The following NLRP13 variants were observed in gnomAD, a reference collection of about 807,000 sequenced individuals.
NLRP13 encodes NACHT, LRR and PYD domains-containing protein 13.
A neutral mutation model predicts 94.4 loss-of-function variants in NLRP13; 82 were observed. That is an observed-to-expected ratio of 0.87 (90% CI 0.73 to 1.04). The LOEUF is 1.04. NLRP13 is among the 50% of genes least tolerant of loss of function. The probability of loss-of-function intolerance (pLI) is 0.00; values close to 1 mark genes in which losing one functional copy is unlikely to be tolerated. For synonymous variants in NLRP13, 553 were observed against 464.7 expected (o/e 1.19, Z -2.45); for missense variants, 1,426 against 1,230.8 (o/e 1.16, Z -2.37).
At position 55,931,057 on chromosome 19, in the gene NLRP13, A is replaced by T. The variant is rs1004426491; in HGVS notation, c.319+936T>A. ...AATGCCACAGAAGATGTGGCATGAA[A>T]CTTTACCCTGAGTAAAACATGAACT... On this transcript the variant is annotated intron_variant, in intron 1 of 10. Transcript: ENST00000342929. Among the ~76,000 whole-genome samples the T allele has an allele frequency of 4.9e-5, 7 of 144,132 alleles. No individual in the cohort carries two copies. In the South Asian group the frequency reaches 6.6e-4, roughly 14 times the overall value. 94.6% of individuals were successfully genotyped at this position (144,132 alleles called of 152,430 possible). A position where few individuals can be genotyped will look rare whatever the true frequency, so the allele number is the denominator to read the frequency against.
intron 4 of NLRP13, among the ~76,000 whole-genome samples, chr19:55,920,706 G>T (rs577771890): frequency 3.3e-5 from 5 of 151,974 alleles, no homozygotes; most frequent in South Asian, 4.2e-4. Context: ...ATTTCTCAAA[G>T]AACTAAAAAT....
intron 1 of NLRP13, among the ~76,000 whole-genome samples, chr19:55,929,313 G>A (rs1987047412): frequency 6.6e-6 from 1 of 152,170 alleles, no homozygotes; most frequent in Non-Finnish European, 1.5e-5. Flanking sequence ...CTACTATAAA[G>A]ACTCTTGCAC....
chr19:55,927,195 C>G (rs1421790924), intron 1 of NLRP13, among the ~76,000 whole-genome samples: 3 of 151,788 alleles, frequency 2.0e-5, no homozygotes, highest in Non-Finnish European at 2.9e-5. Context: ...GTGGGGAAAC[C>G]CCATCTCTAA....
chr19:55,912,654 CCT>C lies in NLRP13; in HGVS notation c.1161_1162del (p.Asp389ArgfsTer11). 4 of 1,614,178 alleles carry C rather than the reference CCT, an allele frequency of 2.5e-6. No homozygotes were observed. The highest frequency in any genetic ancestry group is 3.4e-6 in the Non-Finnish European group (4 of 1,180,036). Reference sequence around the variant, plus strand: ...CATGAAATATACCCGTAGGTCGTCCCCTGTGAACCCTGTAATTTGTACAAAGC... The same window carrying C: ...CATGAAATATACCCGTAGGTCGTCCCGTGAACCCTGTAATTTGTACAAAGC... On this transcript the variant is annotated frameshift_variant, in exon 5 of 11. Coordinates refer to ENST00000342929, the MANE Select transcript of NLRP13 (RefSeq NM_176810.2). LOFTEE classifies it high-confidence loss of function.
In NLRP13 at chr19:55,925,020, T is replaced by G; in HGVS notation, c.335A>C (p.Gln112Pro). ...TTCCTGGGTTGGATCTTGCAGCTCT[T>G]GGGTCTGCACATTCTCTGAAACAAA... is the stretch of plus-strand genomic sequence containing the variant. ...RAEMKENVQT[Q>P]ELQDPTQEDL... The change falls in exon 2 of 11, where the codon CAA becomes CCA. Residue 112 changes from glutamine (Q) to proline (P), a missense_variant. Physicochemically the swap from Gln to Pro is moderately conservative, Grantham distance 76. Coordinates refer to ENST00000342929, the MANE Select transcript of NLRP13 (RefSeq NM_176810.2). 6.2e-7 allele frequency: 1 copy of G among 1,614,050 alleles called. No homozygotes were observed. Among genetic ancestry groups the G allele is most frequent in the Non-Finnish European group, 8.5e-7 (1 of 1,179,954 alleles).
chr19:55,924,539 C>G, intron 3 of NLRP13, 51 bp downstream of exon 3: 6 of 1,307,094 alleles, frequency 4.6e-6, no homozygotes, highest in South Asian at 1.2e-5. Flanking sequence ...ACCAATGAAA[C>G]GAGTGTTCCA....
chr19:55,919,908 A>G (rs1374961405), intron 4 of NLRP13, among the ~76,000 whole-genome samples: 1 of 152,188 alleles, frequency 6.6e-6, no homozygotes, highest in East Asian at 1.9e-4. Flanking sequence ...ATCTGTATGC[A>G]TCACCTTACC....
chr19:55,896,119 C>T lies in NLRP13; in HGVS notation c.2958G>A (p.Gly986=), dbSNP rs199475878. The T allele has an allele frequency of 4.9e-4, 787 of 1,613,806 alleles. No homozygotes were observed. Among genetic ancestry groups the T allele is most frequent in the Non-Finnish European group, 5.8e-4 (688 of 1,179,850 alleles). The change falls in exon 11 of 11, where the codon GGG becomes GGA. Residue 986 remains glycine, a splice_region_variant and synonymous_variant. Transcript: ENST00000342929. ...LKPHRALHTL[G]LAKCNLTTAC... is the part of the protein sequence containing the mutation. ...CAGTTGTCAGATTGCATTTCGCCAACCTAGGGGCGGGTGGGAAGAAAGCAC... is the reference window on the plus strand; with the variant it reads ...CAGTTGTCAGATTGCATTTCGCCAATCTAGGGGCGGGTGGGAAGAAAGCAC...
At chr19:55,904,143 A>G (rs1041769032) in intron 8 of NLRP13, among the ~76,000 whole-genome samples, 4 of 152,062 alleles carry the variant, frequency 2.6e-5, no homozygotes, top group Non-Finnish European at 4.4e-5. Context: ...TCCGGGCTGG[A>G]GTGTAGTGGC....
At chr19:55,895,409 A>G (rs370817604), downstream of NLRP13, among the ~76,000 whole-genome samples, 512 of 151,184 alleles carry the variant, frequency 3.4e-3, 4 homozygotes, top group African/African-American at 0.012. Context: ...CAGTCCGGGC[A>G]TGGTGGCTCA....
At chr19:55,929,925 C>A (rs1179871260) in intron 1 of NLRP13, among the ~76,000 whole-genome samples, 1 of 152,042 alleles carries the variant, frequency 6.6e-6, no homozygotes, top group Non-Finnish European at 1.5e-5. Context: ...AAAAAGAATT[C>A]TAAATCTCAT....
intron 6 of NLRP13, 146 bp from the exon 7 acceptor site, chr19:55,908,102 T>G (rs1986405758): frequency 1.4e-6 from 1 of 694,246 alleles, no homozygotes; most frequent in African/African-American, 1.8e-5. Flanking sequence ...GGCTGAGCCA[T>G]GGTACTGGAC....
chr19:55,895,985 G>A lies in NLRP13; in HGVS notation c.3092C>T (p.Ala1031Val), dbSNP rs774137332. 2 of 1,614,112 alleles carry A rather than the reference G, an allele frequency of 1.2e-6. No individual in the cohort carries two copies. The highest frequency in any genetic ancestry group is 2.2e-5 in the South Asian group (2 of 91,068). Residue 1031 changes from alanine to valine, a missense_variant, in exon 11 of 11, where the codon GCT becomes GTT. Physicochemically the swap from Ala to Val is moderately conservative, Grantham distance 64. Coordinates refer to ENST00000342929, the MANE Select transcript of NLRP13 (RefSeq NM_176810.2). ...DTDGVKMLCK[A>V]LKKSTCRLQK... ...CAGCCTGCATGTCGACTTTTTCAAA[G>A]CCTTACATAGCATCTTGACACCATC...
At chr19:55,901,171 TCAGA>T (rs745435929) in intron 9 of NLRP13, among the ~76,000 whole-genome samples, 10 of 152,216 alleles carry the variant, frequency 6.6e-5, no homozygotes, top group Admixed American at 1.3e-4. Flanking sequence ...AGACGAGCAC[TCAGA>T]CAAAAGATTT....
chr19:55,929,035 C>A (rs1002253856), intron 1 of NLRP13, among the ~76,000 whole-genome samples: 1 of 152,168 alleles, frequency 6.6e-6, no homozygotes, highest in East Asian at 1.9e-4. Flanking sequence ...AAAAGCTCAT[C>A]GTCACTGGTT....
At chr19:55,895,217 G>GA, downstream of NLRP13, among the ~76,000 whole-genome samples, 1 of 140,888 alleles carries the variant, frequency 7.1e-6, no homozygotes, top group Middle Eastern at 3.6e-3. Context: ...AAAAAAGAAA[G>GA]AAAAGAAAAA....
In NLRP13 at chr19:55,911,742, C is replaced by T. The variant is rs935883679; in HGVS notation, c.2075G>A (p.Ser692Asn). ...CAAGTCCCTTTCAAGGATGTGACTG[C>T]TAACAGAAAGCCTTAGCTTATTTAA... is the stretch of plus-strand genomic sequence containing the variant. ...KRLNKLRLSV[S>N]SHILERDLEI... is the part of the protein sequence containing the mutation. The change falls in exon 5 of 11, where the codon AGC becomes AAC. Residue 692 changes from serine (S) to asparagine (N), a missense_variant. Transcript: ENST00000342929. The T allele has an allele frequency of 5.6e-6, 9 of 1,610,584 alleles. No individual in the cohort carries two copies.
At position 55,903,066 on chromosome 19, in the gene NLRP13, AAC is replaced by A. The variant is rs1366234745; in HGVS notation, c.2619-863_2619-862del. Among the ~76,000 whole-genome samples the A allele has an allele frequency of 2.7e-3, 403 of 151,858 alleles. 2 individuals are homozygous for A. The highest frequency in any genetic ancestry group is 9.2e-3 in the African/African-American group (380 of 41,464). On this transcript the variant is annotated intron_variant, in intron 8 of 10. Transcript: ENST00000342929. ...ATGATGTTACAATGTGTAGAATTAT[AAC>A]AGTTATAATTATACTAATTATTAGG... is the stretch of plus-strand genomic sequence containing the variant.
At chr19:55,931,719 AAAAAAAG>A (rs1987145935) in intron 1 of NLRP13, among the ~76,000 whole-genome samples, 1 of 132,032 alleles carries the variant, frequency 7.6e-6, no homozygotes, top group South Asian at 2.5e-4. Context: ...CAAAAAAAAA[AAAAAAAG>A]AAAGAAAGAA....
Sources: gnomAD v4.1 joint callset for allele counts (sites outside exome capture counted in the v4.1 genomes callset) on GRCh38, gnomAD v4.1.1 for gene constraint, MANE v1.5 for transcripts, NCBI Gene and HGNC (gene_info 2026-07-23, HGNC 2026-07-21) for gene names.